Variants in COL25A1 observed in about 807,000 individuals in gnomAD.
The protein encoded by COL25A1 is collagen type XXV alpha 1 chain, also known as collagen alpha-1(XXV) chain.
A neutral mutation model predicts 128.4 loss-of-function variants in COL25A1; 103 were observed. The ratio of observed to expected loss-of-function variants is 0.80; its 90% confidence interval spans 0.68 to 0.94. COL25A1 has a LOEUF of 0.94. Among genes scored for constraint, COL25A1 ranks in the 40% least tolerant of loss-of-function variants. COL25A1 has a pLI of 0.00. For missense variants in COL25A1, 745 were observed against 840.0 expected, an observed-to-expected ratio of 0.89 and a Z score of 1.40; for synonymous variants, 279 against 277.2, an observed-to-expected ratio of 1.01 and a Z score of -0.06.
intron 11 of COL25A1, among the ~76,000 whole-genome samples, chr4:108,925,726 C>G (rs1380009961): frequency 6.6e-6 from 1 of 152,122 alleles, no homozygotes; most frequent in Non-Finnish European, 1.5e-5. Flanking sequence ...GGATTTTTCA[C>G]CCTTTTGTTC....
intron 34 of COL25A1, among the ~76,000 whole-genome samples, chr4:108,824,785 T>C (rs956331704): frequency 6.6e-6 from 1 of 152,170 alleles, no homozygotes; most frequent in Non-Finnish European, 1.5e-5. Context: ...GCATAAGATA[T>C]ATAGGGACTA....
chr4:109,054,257 GACA>G (rs1761256615), intron 3 of COL25A1, among the ~76,000 whole-genome samples: 1 of 152,148 alleles, frequency 6.6e-6, no homozygotes, highest in Non-Finnish European at 1.5e-5. Flanking sequence ...ATATACTAAA[GACA>G]ACATGGAACA....
intron 3 of COL25A1, among the ~76,000 whole-genome samples, chr4:109,115,403 A>G (rs888381365): frequency 1.3e-5 from 2 of 152,106 alleles, no homozygotes; most frequent in Admixed American, 6.6e-5. Flanking sequence ...AAGAGTCAAA[A>G]TGTAGGTTTT....
At chr4:108,906,323 A>G (rs922239614) in intron 13 of COL25A1, among the ~76,000 whole-genome samples, 1 of 151,866 alleles carries the variant, frequency 6.6e-6, no homozygotes, top group African/African-American at 2.4e-5. Flanking sequence ...CGGACCTCCT[A>G]TGTTTTTTCC....
At chr4:109,164,096 T>A (rs1465980046) in intron 3 of COL25A1, among the ~76,000 whole-genome samples, 1 of 152,158 alleles carries the variant, frequency 6.6e-6, no homozygotes, top group Non-Finnish European at 1.5e-5. Flanking sequence ...TTCAACAAAC[T>A]CTGCTTGCTT....
At chr4:109,210,478 A>C (rs1029636976) in intron 3 of COL25A1, among the ~76,000 whole-genome samples, 1 of 152,186 alleles carries the variant, frequency 6.6e-6, no homozygotes, top group Non-Finnish European at 1.5e-5. Context: ...GATACCTTCC[A>C]AGATACTGGC....
At chr4:109,185,908 T>G (rs1475499815) in intron 3 of COL25A1, among the ~76,000 whole-genome samples, 1 of 152,224 alleles carries the variant, frequency 6.6e-6, no homozygotes, top group Non-Finnish European at 1.5e-5. Flanking sequence ...GACCTAGATC[T>G]GGACGACTTC....
chr4:109,076,170 T>C (rs1037961495), intron 3 of COL25A1, among the ~76,000 whole-genome samples: 1 of 152,178 alleles, frequency 6.6e-6, no homozygotes. Context: ...GATTTTGGTA[T>C]CCATGGGAGG....
intron 3 of COL25A1, among the ~76,000 whole-genome samples, chr4:109,283,738 T>G (rs1723607501): frequency 6.6e-6 from 1 of 152,202 alleles, no homozygotes; most frequent in South Asian, 2.1e-4. Flanking sequence ...TACTAACGTT[T>G]CTTCCCCTTC....
chr4:108,935,473 C>T (rs558739197), intron 11 of COL25A1, among the ~76,000 whole-genome samples: 2 of 152,236 alleles, frequency 1.3e-5, no homozygotes, highest in South Asian at 2.1e-4. Flanking sequence ...TGAAAAGAAT[C>T]GTACATCTTT....
intron 3 of COL25A1, among the ~76,000 whole-genome samples, chr4:109,297,091 A>T (rs1725050561): frequency 6.6e-6 from 1 of 152,122 alleles, no homozygotes; most frequent in Non-Finnish European, 1.5e-5. Context: ...ACACAGCTTC[A>T]ATTTGTATGG....
intron 3 of COL25A1, among the ~76,000 whole-genome samples, chr4:109,139,843 G>A (rs535337544): frequency 6.7e-6 from 1 of 149,970 alleles, no homozygotes; most frequent in Non-Finnish European, 1.5e-5. Context: ...CCCACAACAG[G>A]CCCCGGTGTG....
At chr4:109,154,033 A>G (rs1157727351) in intron 3 of COL25A1, among the ~76,000 whole-genome samples, 1 of 152,254 alleles carries the variant, frequency 6.6e-6, no homozygotes, top group African/African-American at 2.4e-5. Context: ...AGTTTAAAGT[A>G]GTAGCAACAA....
At chr4:109,031,308 G>A (rs1348791541) in intron 5 of COL25A1, among the ~76,000 whole-genome samples, 1 of 151,418 alleles carries the variant, frequency 6.6e-6, no homozygotes, top group East Asian at 1.9e-4. Context: ...AGTAGAGACG[G>A]GGTTTCACCG....
intron 3 of COL25A1, among the ~76,000 whole-genome samples, chr4:109,150,438 T>C (rs1037247139): frequency 6.6e-6 from 1 of 152,154 alleles, no homozygotes; most frequent in African/African-American, 2.4e-5. Context: ...ATTTATACAT[T>C]GGATAAACCC....
At chr4:109,080,875 C>T (rs1414319509) in intron 3 of COL25A1, among the ~76,000 whole-genome samples, 1 of 152,206 alleles carries the variant, frequency 6.6e-6, no homozygotes. Flanking sequence ...AATCAACTCT[C>T]TTAAATTACT....
chr4:109,089,567 A>G (rs1157255551), intron 3 of COL25A1, among the ~76,000 whole-genome samples: 1 of 152,202 alleles, frequency 6.6e-6, no homozygotes, highest in East Asian at 1.9e-4. Flanking sequence ...TGAGGCATAT[A>G]GGACAGTTAC....
chr4:109,203,811 T>C (rs747799809), intron 3 of COL25A1, among the ~76,000 whole-genome samples: 3 of 152,184 alleles, frequency 2.0e-5, no homozygotes, highest in Non-Finnish European at 4.4e-5. Flanking sequence ...TTCCACTTAA[T>C]TGTAATAAAA....
chr4:108,974,536 A>G lies in COL25A1; in HGVS notation c.462T>C (p.Asp154=). ...TTTCTGGTATGCATTTTCTTACCTT[A>G]TCGCCTTTTGGACCAGGAGGGCCCT... is the stretch of plus-strand genomic sequence containing the variant. The part of the protein sequence containing the change: ...GPQGPPGPKG[D]KGEQGDQGPR... Residue 154 remains aspartate (D), a synonymous_variant, in exon 7 of 38, where the codon GAT becomes GAC. Transcript: ENST00000399132. The G allele has an allele frequency of 6.2e-7, 1 of 1,609,616 alleles. No homozygotes were observed. Among genetic ancestry groups the G allele is most frequent in the Non-Finnish European group, 8.5e-7 (1 of 1,178,516 alleles).
Sources: allele counts gnomAD v4.1 joint callset (sites outside exome capture counted in the v4.1 genomes callset), GRCh38; gene constraint gnomAD v4.1.1; transcripts MANE v1.5; gene names NCBI Gene and HGNC (gene_info 2026-07-23, HGNC 2026-07-21).